The following TMEM132C variants were observed in gnomAD, a reference collection of about 807,000 sequenced individuals.
The protein encoded by TMEM132C is transmembrane protein 132C, also known as protein phosphatase 1, regulatory subunit 152.
TMEM132C carries 29 observed loss-of-function variants against 61.4 expected under a neutral mutation model. The observed-to-expected ratio is 0.47, with a 90% CI of 0.35 to 0.64. The LOEUF is 0.64. Ranked by LOEUF, TMEM132C falls within the 30% of genes least tolerant of loss-of-function variation. The probability of loss-of-function intolerance (pLI) is 0.00; values close to 1 mark genes in which losing one functional copy is unlikely to be tolerated. For missense variants in TMEM132C, 1,408 were observed against 1,476.9 expected (o/e 0.95, Z 0.76); for synonymous variants, 656 against 633.1 (o/e 1.04, Z -0.54).
chr12:128,694,169 C>A, intron 6 of TMEM132C, 135 bp downstream of exon 6: 1 of 1,056,502 alleles, frequency 9.5e-7, no homozygotes, highest in African/African-American at 1.6e-5. Flanking sequence ...TCCCAGATAA[C>A]CCAGCCAGGC....
At chr12:128,609,762 GTTAGC>G (rs955976586) in intron 3 of TMEM132C, among the ~76,000 whole-genome samples, 1 of 152,164 alleles carries the variant, frequency 6.6e-6, no homozygotes, top group Non-Finnish European at 1.5e-5. Context: ...ATCTGGGTGT[GTTAGC>G]TTAGCTCAGC....
chr12:128,516,996 C>T (rs965889293), intron 2 of TMEM132C, among the ~76,000 whole-genome samples: 7 of 149,778 alleles, frequency 4.7e-5, no homozygotes, highest in Non-Finnish European at 1.0e-4. Context: ...CTGAGGCAGG[C>T]GGATCACTTG....
At chr12:128,318,346 A>G (rs976304081) in intron 1 of TMEM132C, among the ~76,000 whole-genome samples, 1 of 152,228 alleles carries the variant, frequency 6.6e-6, no homozygotes, top group East Asian at 1.9e-4. Flanking sequence ...TGTTACTTGC[A>G]TTTTCCTGGC....
At chr12:128,573,610 A>T (rs984950380) in intron 3 of TMEM132C, among the ~76,000 whole-genome samples, 1 of 151,802 alleles carries the variant, frequency 6.6e-6, no homozygotes, top group East Asian at 1.9e-4. Flanking sequence ...ATAATTTTTT[A>T]AAAATTTTAA....
intron 2 of TMEM132C, among the ~76,000 whole-genome samples, chr12:128,484,203 A>G (rs1225013055): frequency 6.6e-6 from 1 of 152,212 alleles, no homozygotes; most frequent in Non-Finnish European, 1.5e-5. Flanking sequence ...TAAAATGGAA[A>G]GACACTAAGG....
chr12:128,485,718 C>T (rs1320961073), intron 2 of TMEM132C, among the ~76,000 whole-genome samples: 1 of 152,152 alleles, frequency 6.6e-6, no homozygotes, highest in Non-Finnish European at 1.5e-5. Context: ...AGAAACCCTG[C>T]TCTGGGATGC....
chr12:128,619,808 A>C (rs1953944434), intron 4 of TMEM132C, among the ~76,000 whole-genome samples: 1 of 152,234 alleles, frequency 6.6e-6, no homozygotes, highest in South Asian at 2.1e-4. Context: ...TTGGCAGTTC[A>C]GTTCTTCTTC....
intron 1 of TMEM132C, among the ~76,000 whole-genome samples, chr12:128,271,582 A>G (rs1870523952): frequency 6.6e-6 from 1 of 152,226 alleles, no homozygotes; most frequent in African/African-American, 2.4e-5. Context: ...AGAGTCTGCC[A>G]ATCTTGGGTG....
At chr12:128,579,723 T>C (rs559427332) in intron 3 of TMEM132C, among the ~76,000 whole-genome samples, 79 of 152,294 alleles carry the variant, frequency 5.2e-4, no homozygotes, top group Admixed American at 2.2e-3. Context: ...ACCTCTGTGC[T>C]GGGCAGGAGA....
At chr12:128,465,365 A>AT (rs11464997) in intron 2 of TMEM132C, among the ~76,000 whole-genome samples, 6,752 of 151,760 alleles carry the variant, frequency 0.044, 508 homozygotes, top group African/African-American at 0.15. Flanking sequence ...CGCCCAGCTA[A>AT]TTTTTTGTAT....
chr12:128,477,185 TG>T (rs1871178125), intron 2 of TMEM132C, among the ~76,000 whole-genome samples: 1 of 152,204 alleles, frequency 6.6e-6, no homozygotes, highest in African/African-American at 2.4e-5. Flanking sequence ...TGGGCTGGTC[TG>T]GGAATTCTGC....
chr12:128,310,371 A>G (rs1871928296), intron 1 of TMEM132C, among the ~76,000 whole-genome samples: 1 of 152,142 alleles, frequency 6.6e-6, no homozygotes, highest in Non-Finnish European at 1.5e-5. Flanking sequence ...TTATAAGAAG[A>G]GAGGCTTAAT....
chr12:128,430,767 A>G (rs1869356086), intron 2 of TMEM132C, among the ~76,000 whole-genome samples: 1 of 152,120 alleles, frequency 6.6e-6, no homozygotes, highest in Non-Finnish European at 1.5e-5. Flanking sequence ...TGATGTTACT[A>G]TTGTATTGTT....
chr12:128,377,587 G>GA (rs1874235690), intron 1 of TMEM132C, among the ~76,000 whole-genome samples: 2 of 152,214 alleles, frequency 1.3e-5, no homozygotes, highest in African/African-American at 4.8e-5. Flanking sequence ...GAGTAGAAGA[G>GA]AAAACAGTGC....
chr12:128,491,954 A>C (rs1871745871), intron 2 of TMEM132C, among the ~76,000 whole-genome samples: 1 of 151,102 alleles, frequency 6.6e-6, no homozygotes, highest in African/African-American at 2.4e-5. Context: ...GCACCCATTA[A>C]CTCGTCGTTT....
chr12:128,613,470 G>A (rs1340669943), intron 3 of TMEM132C, among the ~76,000 whole-genome samples: 3 of 152,128 alleles, frequency 2.0e-5, no homozygotes, highest in Non-Finnish European at 4.4e-5. Flanking sequence ...CTCAGTTGCT[G>A]GACCAAGAAC....
chr12:128,676,438 A>T (rs1168758490), intron 5 of TMEM132C, among the ~76,000 whole-genome samples: 1 of 151,878 alleles, frequency 6.6e-6, no homozygotes, highest in Non-Finnish European at 1.5e-5. Flanking sequence ...ATTTTTTCTG[A>T]TTATATAAGT....
At chr12:128,531,230 C>G (rs1256766842) in intron 2 of TMEM132C, among the ~76,000 whole-genome samples, 1 of 152,128 alleles carries the variant, frequency 6.6e-6, no homozygotes, top group Non-Finnish European at 1.5e-5. Flanking sequence ...CTACTGCTCT[C>G]TGAGATCCAG....
intron 1 of TMEM132C, chr12:128,404,454 G>C (rs1875268927): frequency 6.6e-6 from 1 of 152,194 alleles, no homozygotes; most frequent in African/African-American, 2.4e-5. Context: ...ATCTCCGCAG[G>C]TCCTACCCAT....
Sources: gnomAD v4.1 joint callset for allele counts (sites outside exome capture counted in the v4.1 genomes callset) on GRCh38, gnomAD v4.1.1 for gene constraint, MANE v1.5 for transcripts, NCBI Gene and HGNC (gene_info 2026-07-23, HGNC 2026-07-21) for gene names.